Variants in XKR9 observed in about 807,000 individuals in gnomAD.
XKR9 encodes XK related 9.
In XKR9, 32 loss-of-function variants were observed where a neutral mutation model predicts 32.0. The observed-to-expected ratio is 1.00, with a 90% CI of 0.76 to 1.34. The LOEUF is 1.34. XKR9 is among the 40% of genes most tolerant of loss of function. XKR9 has a pLI of 0.00. For missense variants in XKR9, 546 were observed against 429.7 expected (o/e 1.27, Z -2.39); for synonymous variants, 168 against 143.4 (o/e 1.17, Z -1.22).
chr8:70,908,610 T>C, the XKR9 span, among the ~76,000 whole-genome samples: 1 of 152,206 alleles, frequency 6.6e-6, no homozygotes, highest in Non-Finnish European at 1.5e-5. Context: ...ATGGTCTTTG[T>C]TGTTACTATT....
At chr8:70,952,865 G>T in the XKR9 span, among the ~76,000 whole-genome samples, 1 of 152,156 alleles carries the variant, frequency 6.6e-6, no homozygotes, top group African/African-American at 2.4e-5. Context: ...GAACTCTTTG[G>T]TTACTGATCT....
rs1806803982 is a variant in XKR9 at position 70,734,564 on chromosome 8, A to G, written c.*140A>G. The G allele has an allele frequency of 9.1e-7, 1 of 1,103,866 alleles. No individual in the cohort carries two copies. Among genetic ancestry groups the G allele is most frequent in the Admixed American group, 4.0e-5 (1 of 25,252 alleles). The allele number at this position is 1,103,866 out of a possible 1,614,324, so 68.4% of individuals were successfully genotyped here. ...TTCAGTGAAATAGGAGATACATAGT[A>G]GTATTTTATTTTTAAAATTAATTTC... On this transcript the variant is annotated 3_prime_UTR_variant, in exon 5 of 5. Coordinates refer to ENST00000408926, the MANE Select transcript of XKR9 (RefSeq NM_001011720.2).
At chr8:70,709,185 TA>T (rs1459074393) in intron 4 of XKR9, among the ~76,000 whole-genome samples, 2 of 151,994 alleles carry the variant, frequency 1.3e-5, no homozygotes, top group Non-Finnish European at 2.9e-5. Context: ...CAACTAAAAA[TA>T]AAAACCACAT....
At chr8:70,866,221 C>A in the XKR9 span, among the ~76,000 whole-genome samples, 3 of 152,180 alleles carry the variant, frequency 2.0e-5, no homozygotes, top group Non-Finnish European at 4.4e-5. Flanking sequence ...TAGGCACATG[C>A]CTAAATTCCC....
intron 4 of XKR9, among the ~76,000 whole-genome samples, chr8:70,708,317 A>T (rs1041918469): frequency 9.9e-5 from 15 of 152,104 alleles, no homozygotes; most frequent in Non-Finnish European, 2.2e-4. Context: ...TCCAAGGGAT[A>T]CATAGCATCT....
At chr8:70,718,789 C>T (rs1806176725) in intron 4 of XKR9, among the ~76,000 whole-genome samples, 1 of 152,088 alleles carries the variant, frequency 6.6e-6, no homozygotes, top group South Asian at 2.1e-4. Context: ...CATACATGTG[C>T]ATGTCTTTAT....
the XKR9 span, among the ~76,000 whole-genome samples, chr8:70,827,909 T>C: frequency 2.0e-5 from 3 of 152,334 alleles, no homozygotes; most frequent in Admixed American, 6.5e-5. Flanking sequence ...CTAGTAGATA[T>C]CTGTTAAAAT....
intron 2 of XKR9, among the ~76,000 whole-genome samples, chr8:70,780,085 G>A (rs1422411837): frequency 2.6e-5 from 4 of 151,550 alleles, no homozygotes; most frequent in Non-Finnish European, 4.4e-5. Flanking sequence ...TCTCTTGTGG[G>A]CATTTACTGT....
chr8:71,035,062 C>T, the XKR9 span, among the ~76,000 whole-genome samples: 4 of 152,072 alleles, frequency 2.6e-5, no homozygotes, highest in Admixed American at 6.6e-5. Flanking sequence ...TTTTACTTAT[C>T]ATTTAGAGTA....
the XKR9 span, among the ~76,000 whole-genome samples, chr8:71,064,828 G>C: frequency 6.6e-6 from 1 of 152,130 alleles, no homozygotes; most frequent in Non-Finnish European, 1.5e-5. Flanking sequence ...GACTTTCATA[G>C]AAGGTCTCTC....
the XKR9 span, among the ~76,000 whole-genome samples, chr8:70,992,163 A>C: frequency 6.6e-6 from 1 of 152,178 alleles, no homozygotes; most frequent in African/African-American, 2.4e-5. Context: ...ATAGAGTTGC[A>C]TCTAATTCTG....
chr8:70,770,198 C>T (rs1807435530), intron 2 of XKR9, among the ~76,000 whole-genome samples: 1 of 152,134 alleles, frequency 6.6e-6, no homozygotes, highest in Non-Finnish European at 1.5e-5. Context: ...CAATCAGTCC[C>T]CTCTTCTGCA....
At chr8:70,901,073 G>T in the XKR9 span, among the ~76,000 whole-genome samples, 1 of 152,134 alleles carries the variant, frequency 6.6e-6, no homozygotes, top group Non-Finnish European at 1.5e-5. Context: ...GGACCTTTGC[G>T]TTGGTTCCAA....
intron 3 of XKR9, among the ~76,000 whole-genome samples, chr8:70,695,639 C>T (rs268607): frequency 2.0e-5 from 3 of 151,374 alleles, no homozygotes; most frequent in Non-Finnish European, 4.4e-5. Context: ...AATAAACATA[C>T]GTGTGCATGT....
At chr8:70,822,616 G>A in the XKR9 span, among the ~76,000 whole-genome samples, 2 of 150,998 alleles carry the variant, frequency 1.3e-5, no homozygotes, top group Non-Finnish European at 3.0e-5. Context: ...ATTTGCAGTG[G>A]GGATATCAGT....
chr8:70,991,801 C>G, the XKR9 span, among the ~76,000 whole-genome samples: 5 of 152,164 alleles, frequency 3.3e-5, no homozygotes, highest in Non-Finnish European at 7.3e-5. Context: ...AAGTAATATA[C>G]TATGAGGTTT....
chr8:70,919,860 G>A, the XKR9 span, among the ~76,000 whole-genome samples: 2 of 152,330 alleles, frequency 1.3e-5, no homozygotes, highest in South Asian at 4.1e-4. Context: ...GAAATATTGA[G>A]ATCATTTCAA....
At chr8:70,692,198 T>C (rs1805097341) in intron 3 of XKR9, among the ~76,000 whole-genome samples, 1 of 152,172 alleles carries the variant, frequency 6.6e-6, no homozygotes, top group African/African-American at 2.4e-5. Flanking sequence ...GTATTGCCTT[T>C]CTTATTTGGC....
the XKR9 span, among the ~76,000 whole-genome samples, chr8:70,932,832 CT>C: frequency 1.3e-5 from 2 of 152,084 alleles, no homozygotes; most frequent in East Asian, 3.9e-4. Context: ...CATTAAGGCC[CT>C]ATCTCCCAAT....
Sources: allele counts gnomAD v4.1 joint callset (sites outside exome capture counted in the v4.1 genomes callset), GRCh38; gene constraint gnomAD v4.1.1; transcripts MANE v1.5; gene names NCBI Gene and HGNC (gene_info 2026-07-23, HGNC 2026-07-21).